STAT6: variants seen among roughly 807,000 people sequenced by gnomAD.
The protein encoded by STAT6 is STAT, interleukin4-induced.
A neutral mutation model predicts 106.3 loss-of-function variants in STAT6; 45 were observed. The observed-to-expected ratio is 0.42, with a 90% confidence interval of 0.33 to 0.54. The LOEUF is 0.54. STAT6 is among the 20% of genes least tolerant of loss of function. The probability of loss-of-function intolerance (pLI) is 0.06; values close to 1 mark genes in which losing one functional copy is unlikely to be tolerated. For synonymous variants in STAT6, 413 were observed against 413.6 expected (o/e 1.00, Z 0.02); for missense variants, 797 against 1,062.2 (o/e 0.75, Z 3.47).
At chr12:57,107,869 A>G (rs2034372947) in intron 2 of STAT6, 126 bp from the exon 3 acceptor site, 2 of 1,348,660 alleles carry the variant, frequency 1.5e-6, no homozygotes, top group Non-Finnish European at 1.0e-6. Context: ...GGCCCTCTGT[A>G]GCTTTCACCC....
chr12:57,100,680 GAAAGAAAGAAAGAAAGAAAGAGAA>G (rs1263213109), intron 13 of STAT6, among the ~76,000 whole-genome samples: 229 of 56,512 alleles, frequency 4.1e-3, no homozygotes, highest in African/African-American at 0.015. Flanking sequence ...AAGAAAGAAA[GAAAGAAAGAAAGAAAGAAAGAGAA>G]AGAAAGAAAG....
chr12:57,106,525 C>T lies in STAT6; in HGVS notation c.531+3G>A, dbSNP rs117606330. ...GGTCTCCACCTGTCAGCCCATTACT[C>T]ACCTCACTTGGCCCAGTCCCATTAG... On this transcript the variant is annotated splice_donor_region_variant and intron_variant, in intron 6 of 21. Transcript: ENST00000300134. 6 of 1,614,138 alleles carry T rather than the reference C, an allele frequency of 3.7e-6. No individual in the cohort carries two copies. The East Asian group carries it at 1.3e-4, about 36-fold the overall frequency.
chr12:57,106,630 A>G (rs372518613), intron 5 of STAT6, 50 bp from the exon 6 acceptor site: 1 of 1,613,534 alleles, frequency 6.2e-7, no homozygotes, highest in Non-Finnish European at 8.5e-7. Flanking sequence ...AGAGGTTCAG[A>G]TAAGGTTGAG....
In STAT6 at chr12:57,107,188, C is replaced by G. The variant is rs749929970; in HGVS notation, c.339+43G>C. On this transcript the variant is annotated intron_variant, in intron 4 of 21. Transcript: ENST00000300134. ...AGTTTGTCATGGCTCAGGCCAAAGTCTCAGGGGATTGAGTTGGGGTGGGAG... is the reference window on the plus strand; with the variant it reads ...AGTTTGTCATGGCTCAGGCCAAAGTGTCAGGGGATTGAGTTGGGGTGGGAG... 75 of 1,585,476 alleles carry G rather than the reference C, an allele frequency of 4.7e-5. 3 individuals carry two copies. The South Asian group carries it at 8.2e-4, about 17-fold the overall frequency.
In STAT6 at chr12:57,107,681, G is replaced by C; in HGVS notation, c.179C>G (p.Thr60Ser). The change falls in exon 3 of 22, where the codon ACT becomes AGT. Residue 60 changes from threonine to serine, a missense_variant. Thr to Ser is a moderately conservative substitution (Grantham distance 58, BLOSUM62 1). Coordinates refer to ENST00000300134, the MANE Select transcript of STAT6 (RefSeq NM_003153.5). ...CACCGAGGCCTGAAGGTGCTGGACA[G>C]TGTCTGAAAGTAGGGCACTAGCCAA... ...CNLASALLSDTVQHLQASVGE... is the reference protein window; with the variant it reads ...CNLASALLSDSVQHLQASVGE... 1 of 1,614,100 alleles carries C rather than the reference G, an allele frequency of 6.2e-7. No individual in the cohort carries two copies. Among genetic ancestry groups the C allele is most frequent in the African/African-American group, 1.3e-5 (1 of 75,008 alleles).
In STAT6 at chr12:57,106,206, G is replaced by C; in HGVS notation, c.665C>G (p.Ala222Gly). 1 of 1,614,108 alleles carries C rather than the reference G, an allele frequency of 6.2e-7. No homozygotes were observed. Among genetic ancestry groups the C allele is most frequent in the Non-Finnish European group, 8.5e-7 (1 of 1,180,020 alleles). ...GNGAPFEESL[A>G]PLQERCESLV... is the part of the protein sequence containing the mutation. ...CTAGCCCAACCTCTCCTGGAGTGGG[G>C]CCAGGCTCTCCTCAAACGGTGCGCC... The change falls in exon 7 of 22, where the codon GCC becomes GGC. Residue 222 changes from alanine to glycine, a missense_variant. Ala to Gly is a moderately conservative substitution (Grantham distance 60). Transcript: ENST00000300134.
At chr12:57,097,044 G>A in intron 20 of STAT6, 24 bp downstream of exon 20, 2 of 1,580,364 alleles carry the variant, frequency 1.3e-6, no homozygotes, top group South Asian at 1.1e-5. Context: ...GGCACATGGG[G>A]TCAGGAGGGG....
intron 11 of STAT6, 66 bp downstream of exon 11, chr12:57,104,398 C>G: frequency 6.4e-7 from 1 of 1,562,098 alleles, no homozygotes; most frequent in Non-Finnish European, 8.7e-7. Context: ...GGTCCAGGGC[C>G]CTTGTGTGTG....
Position 57,096,756 on chromosome 12 carries a change from C to A in STAT6, c.2360G>T (p.Gly787Val), listed in dbSNP as rs369827931. ...VTAFPQGTWI[G>V]EDIFPPLLPP... is the part of the protein sequence containing the mutation. ...CAGCAGAGGAGGGAATATGTCTTCA[C>A]CAATCCTGCAAGGAGATGGGAGAAG... Residue 787 changes from glycine (G) to valine (V), a missense_variant, in exon 22 of 22, where the codon GGT (glycine) becomes GTT (valine). By Grantham distance (109) the Gly-to-Val change is moderately radical. Transcript: ENST00000300134. 23 of 1,613,398 alleles carry A rather than the reference C, an allele frequency of 1.4e-5. No individual in the cohort carries two copies. The highest frequency in any genetic ancestry group is 1.9e-5 in the Non-Finnish European group (23 of 1,179,692).
intron 11 of STAT6, 148 bp from the exon 12 acceptor site, chr12:57,103,069 C>T (rs1592561603): frequency 3.5e-6 from 2 of 566,836 alleles, no homozygotes; most frequent in East Asian, 7.3e-5. Flanking sequence ...AATCTCAGCT[C>T]ACTGCAGCCT....
At chr12:57,101,663 CT>C (rs1228510878) in intron 13 of STAT6, among the ~76,000 whole-genome samples, 2,320 of 127,534 alleles carry the variant, frequency 0.018, 52 homozygotes, top group African/African-American at 0.062. Context: ...CATGCCTGGC[CT>C]TTTTTTTTTT....
chr12:57,096,794 C>T (rs1410968284), intron 21 of STAT6, 33 bp from the exon 22 acceptor site: 2 of 1,613,374 alleles, frequency 1.2e-6, no homozygotes, highest in Non-Finnish European at 1.7e-6. Flanking sequence ...GTGGAGTAGG[C>T]ATGGCGCCCA....
rs2033460566 is a variant in STAT6, at chr12:57,096,765, C to T, written c.2355-4G>A. 6.2e-7 allele frequency: 1 copy of T among 1,613,230 alleles called. No homozygotes were observed. The highest frequency in any genetic ancestry group is 1.1e-5 in the South Asian group (1 of 91,060). On this transcript the variant is annotated splice_region_variant and splice_polypyrimidine_tract_variant and intron_variant, in intron 21 of 21. Transcript: ENST00000300134. ...AGGGAATATGTCTTCACCAATCCTG[C>T]AAGGAGATGGGAGAAGCAGTGGAGT...
chr12:57,096,364 T>G lies in STAT6; in HGVS notation c.*208A>C, dbSNP rs1592539786. ...CCTTCCAGTCAGTGCTGGAAGGAGG[T>G]GGGCAGGGGAATGATAGAAAGGAAG... On this transcript the variant is annotated 3_prime_UTR_variant, in exon 22 of 22. Coordinates refer to ENST00000300134, the MANE Select transcript of STAT6 (RefSeq NM_003153.5). The G allele has an allele frequency of 7.1e-6, 4 of 559,680 alleles. No individual in the cohort carries two copies. Among genetic ancestry groups the G allele is most frequent in the Non-Finnish European group, 1.3e-5 (4 of 319,574 alleles). The allele number at this position is 559,680 out of a possible 1,614,324, so 34.7% of individuals were successfully genotyped here. A position where few individuals can be genotyped will look rare whatever the true frequency, so the allele number is the denominator to read the frequency against.
At chr12:57,104,925 C>A in intron 9 of STAT6, 112 bp from the exon 10 acceptor site, 1 of 1,349,878 alleles carries the variant, frequency 7.4e-7, no homozygotes, top group Non-Finnish European at 1.0e-6. Flanking sequence ...CTCCATGTCT[C>A]TGTTTGGGTT....
chr12:57,103,303 T>TA (rs1277642889), intron 11 of STAT6: 21 of 162,130 alleles, frequency 1.3e-4, no homozygotes, highest in Non-Finnish European at 2.5e-4. Context: ...TAGCTGGGAC[T>TA]CAGGCGCCCG....
At chr12:57,106,123 A>C in intron 7 of STAT6, 68 bp downstream of exon 7, 1 of 1,602,456 alleles carries the variant, frequency 6.2e-7, no homozygotes, top group East Asian at 2.2e-5. Context: ...TCTCACCTGT[A>C]GGGCCTTCAG....
chr12:57,101,009 C>A, intron 13 of STAT6: 1 of 283,508 alleles, frequency 3.5e-6, no homozygotes. Context: ...AAGCTGTCAA[C>A]ACGTGGTAGC....
In STAT6 at chr12:57,102,303, G is replaced by T; in HGVS notation, c.1499C>A (p.Ser500Ter). The T allele has an allele frequency of 6.2e-7, 1 of 1,614,062 alleles. No homozygotes were observed. The highest frequency in any genetic ancestry group is 1.1e-5 in the South Asian group (1 of 91,036). Reference protein sequence around the residue: ...EAFQHRSVSWSQFNKEILLGR... With the variant: ...EAFQHRSVSW ...CAGGAGAATGACCTTGTTGAACTGC[G>T]ACCAGGACACAGAACGGTGCTGGAA... Residue 500 changes from serine to a stop codon, truncating the protein, a stop_gained, in exon 13 of 22, where the codon TCG (serine) becomes TAG (stop). Coordinates refer to ENST00000300134, the MANE Select transcript of STAT6 (RefSeq NM_003153.5). LOFTEE classifies it high-confidence loss of function.
Sources: allele counts gnomAD v4.1 joint callset (sites outside exome capture counted in the v4.1 genomes callset), GRCh38; gene constraint gnomAD v4.1.1; transcripts MANE v1.5; gene names NCBI Gene and HGNC (gene_info 2026-07-23, HGNC 2026-07-21).